HECW2: variants seen among roughly 807,000 people sequenced by gnomAD.
HECW2 encodes HECT, C2 and WW domain containing E3 ubiquitin protein ligase 2.
HECW2 carries 61 observed loss-of-function variants against 175.2 expected under a neutral mutation model. The observed-to-expected ratio is 0.35, with a 90% CI of 0.28 to 0.43. HECW2 has a LOEUF of 0.43. Among genes scored for constraint, HECW2 ranks in the 20% least tolerant of loss-of-function variants. The probability of loss-of-function intolerance (pLI) is 1.00; values close to 1 mark genes in which losing one functional copy is unlikely to be tolerated. For missense variants in HECW2, 1,524 were observed against 2,000.5 expected (o/e 0.76, Z 4.54); for synonymous variants, 671 against 731.0 (o/e 0.92, Z 1.32).
Position 196,195,797 on chromosome 2 carries a change from T to C in HECW2, c.*5480A>G, listed in dbSNP as rs1341291649. On this transcript the variant is annotated 3_prime_UTR_variant, in exon 29 of 29. Coordinates refer to ENST00000644978, the MANE Select transcript of HECW2 (RefSeq NM_001348768.2). ...AAATAAAAAAATCCACAACATAATT[T>C]TATGCTAAATTGTCAAATCTCCTGA... 1 of 152,216 alleles carries C rather than the reference T, an allele frequency of 6.6e-6. No individual in the cohort carries two copies. Among genetic ancestry groups the C allele is most frequent in the East Asian group, 1.9e-4 (1 of 5,202 alleles). 9.4% of individuals were successfully genotyped at this position (152,216 alleles called of 1,614,324 possible).
At chr2:196,512,650 G>A (rs529209265) in intron 1 of HECW2, among the ~76,000 whole-genome samples, 1 of 151,518 alleles carries the variant, frequency 6.6e-6, no homozygotes, top group Non-Finnish European at 1.5e-5. Flanking sequence ...ACCTCTCAAA[G>A]TGTTGGTATT....
rs1691844118 is a variant in HECW2, at chr2:196,319,317, A to C, written c.1573T>G (p.Ser525Ala). 6.2e-7 allele frequency: 1 copy of C among 1,613,892 alleles called. No homozygotes were observed. Among genetic ancestry groups the C allele is most frequent in the Non-Finnish European group, 8.5e-7 (1 of 1,179,920 alleles). ...NEEASTHEAA[S>A]FEDKPENLPE... ...AGATTTTCTGGCTTATCCTCAAAGG[A>C]AGCAGCTTCGTGTGTGGAGGCTTCC... Residue 525 changes from serine to alanine, a missense_variant, in exon 9 of 29, where the codon TCC (serine) becomes GCC (alanine). Transcript: ENST00000644978.
chr2:196,276,100 T>G (rs551092944), intron 15 of HECW2, among the ~76,000 whole-genome samples: 3 of 152,236 alleles, frequency 2.0e-5, no homozygotes, highest in Non-Finnish European at 2.9e-5. Flanking sequence ...TATGTTGCCA[T>G]GTCTCATCAT....
chr2:196,225,904 C>A, intron 22 of HECW2, 34 bp from the exon 23 acceptor site: 1 of 1,344,698 alleles, frequency 7.4e-7, no homozygotes, highest in Non-Finnish European at 1.1e-6. Flanking sequence ...GCTTACATGT[C>A]ATGGAGCAGT....
At chr2:196,398,096 G>T (rs936312318) in intron 2 of HECW2, among the ~76,000 whole-genome samples, 24 of 148,030 alleles carry the variant, frequency 1.6e-4, no homozygotes, top group Admixed American at 6.9e-5. Context: ...TGAGTGTAGG[G>T]GAAAGGTGGC....
chr2:196,277,548 T>C (rs10931737), intron 15 of HECW2, among the ~76,000 whole-genome samples: 109,842 of 151,970 alleles, frequency 0.72, 41,422 homozygotes, highest in East Asian at 0.98. Flanking sequence ...TTAGCTCAAC[T>C]ATTGTGGAAG....
At chr2:196,321,732 G>A (rs1469514162) in intron 7 of HECW2, among the ~76,000 whole-genome samples, 2 of 152,104 alleles carry the variant, frequency 1.3e-5, no homozygotes, top group East Asian at 3.9e-4. Context: ...ATCATCAAAA[G>A]GATAGTGCCA....
intron 2 of HECW2, among the ~76,000 whole-genome samples, chr2:196,351,989 C>T (rs370938391): frequency 2.0e-5 from 3 of 152,172 alleles, no homozygotes; most frequent in East Asian, 1.9e-4. Context: ...AAAACTGTGA[C>T]GACGACTTTG....
intron 15 of HECW2, among the ~76,000 whole-genome samples, chr2:196,276,665 A>C (rs1391498967): frequency 2.0e-5 from 3 of 152,202 alleles, no homozygotes; most frequent in African/African-American, 7.2e-5. Context: ...CATTCAGTTC[A>C]CCACTAATGG....
intron 2 of HECW2, among the ~76,000 whole-genome samples, chr2:196,355,566 C>T (rs1422638378): frequency 1.3e-5 from 2 of 151,906 alleles, no homozygotes; most frequent in East Asian, 3.9e-4. Flanking sequence ...GATAAACAGG[C>T]CAAAGACAGT....
At chr2:196,404,084 A>G (rs1277472165) in intron 2 of HECW2, among the ~76,000 whole-genome samples, 2 of 152,180 alleles carry the variant, frequency 1.3e-5, no homozygotes, top group Non-Finnish European at 2.9e-5. Flanking sequence ...TACTAAATGC[A>G]ATTGAGTGCC....
intron 27 of HECW2, among the ~76,000 whole-genome samples, chr2:196,216,677 T>C (rs145069413): frequency 1.2e-3 from 179 of 152,334 alleles, no homozygotes; most frequent in African/African-American, 4.2e-3. Flanking sequence ...TTCTTTCTGC[T>C]GCTAGGGATG....
intron 15 of HECW2, among the ~76,000 whole-genome samples, chr2:196,277,515 T>A (rs62184598): frequency 0.17 from 25,633 of 152,184 alleles, 2,315 homozygotes; most frequent in Middle Eastern, 0.23. Context: ...GGAACACTTT[T>A]ACACTGTTGG....
In HECW2 at chr2:196,536,356, A is replaced by G. The variant is rs578192387; in HGVS notation, c.-36+57152T>C. Among the ~76,000 whole-genome samples the G allele has an allele frequency of 1.1e-4, 16 of 152,280 alleles. No individual in the cohort carries two copies. In the South Asian group the frequency reaches 3.1e-3, roughly 30 times the overall value. On this transcript the variant is annotated intron_variant, in intron 1 of 28. Coordinates refer to ENST00000644978, the MANE Select transcript of HECW2 (RefSeq NM_001348768.2). ...TAGCAGCTGTGAGAGTATTCTGCAT[A>G]AGGGACTACTGTAAAGGCCACTGGA...
intron 2 of HECW2, among the ~76,000 whole-genome samples, chr2:196,364,371 T>C (rs972984336): frequency 3.9e-5 from 6 of 152,170 alleles, no homozygotes; most frequent in Non-Finnish European, 5.9e-5. Context: ...AGTTGATGAA[T>C]GTTGGAGCTT....
At chr2:196,225,713 CA>C in intron 23 of HECW2, 58 bp downstream of exon 23, 1 of 1,119,116 alleles carries the variant, frequency 8.9e-7, no homozygotes, top group Admixed American at 1.8e-5. Flanking sequence ...AGAATTTTTT[CA>C]AAAAAGTAAA....
intron 28 of HECW2, among the ~76,000 whole-genome samples, chr2:196,201,770 A>C (rs191813065): frequency 2.3e-4 from 35 of 151,944 alleles, no homozygotes; most frequent in Admixed American, 2.1e-3. Context: ...AAAGTAGTTC[A>C]TTTTGAGTTG....
At chr2:196,316,349 C>A (rs992726783) in intron 10 of HECW2, 3 of 152,216 alleles carry the variant, frequency 2.0e-5, no homozygotes, top group Non-Finnish European at 4.4e-5. Context: ...ACCCTTTAAA[C>A]GCGTCCCCTC....
At chr2:196,209,099 ATTCT>A (rs1461326290) in intron 28 of HECW2, among the ~76,000 whole-genome samples, 1 of 152,244 alleles carries the variant, frequency 6.6e-6, no homozygotes, top group Non-Finnish European at 1.5e-5. Context: ...GTGGGTAAGC[ATTCT>A]TTAACTGTTG....
Sources: gnomAD v4.1 joint callset for allele counts (sites outside exome capture counted in the v4.1 genomes callset) on GRCh38, gnomAD v4.1.1 for gene constraint, MANE v1.5 for transcripts, NCBI Gene and HGNC (gene_info 2026-07-23, HGNC 2026-07-21) for gene names.